Variants in PTPRD observed in about 807,000 individuals in gnomAD.
The protein encoded by PTPRD is protein tyrosine phosphatase receptor type D.
A neutral mutation model predicts 214.5 loss-of-function variants in PTPRD; 34 were observed. The observed-to-expected ratio is 0.16, with a 90% CI of 0.12 to 0.21. PTPRD has a LOEUF of 0.21. Ranked by LOEUF, PTPRD falls within the 10% of genes least tolerant of loss-of-function variation. The pLI, the probability that PTPRD is intolerant of heterozygous loss-of-function variation, is 1.00. For missense variants in PTPRD, 2,545 were observed against 2,398.7 expected (o/e 1.06, Z -1.27); for synonymous variants, 1,128 against 845.7 (o/e 1.33, Z -5.79).
chr9:8,552,151 G>A (rs1019747905), intron 14 of PTPRD, among the ~76,000 whole-genome samples: 1 of 152,026 alleles, frequency 6.6e-6, no homozygotes, highest in African/African-American at 2.4e-5. Flanking sequence ...GTTTCTAACA[G>A]AAGACAGAAC....
chr9:10,345,142 A>ATATT (rs2097047129), intron 2 of PTPRD, among the ~76,000 whole-genome samples: 1 of 152,166 alleles, frequency 6.6e-6, no homozygotes, highest in African/African-American at 2.4e-5. Flanking sequence ...CAAGTGGTCA[A>ATATT]TATTTACTGG....
At chr9:9,468,370 T>C (rs987138826) in intron 8 of PTPRD, among the ~76,000 whole-genome samples, 1 of 152,134 alleles carries the variant, frequency 6.6e-6, no homozygotes, top group Non-Finnish European at 1.5e-5. Flanking sequence ...TACTAAGATA[T>C]CTATGTAGTT....
intron 11 of PTPRD, among the ~76,000 whole-genome samples, chr9:8,790,577 T>C (rs1566083445): frequency 1.3e-5 from 2 of 152,028 alleles, no homozygotes; most frequent in East Asian, 3.9e-4. Flanking sequence ...GCATCTGTTT[T>C]ATTCACAGAT....
At chr9:10,316,107 A>G (rs1342134323) in intron 3 of PTPRD, among the ~76,000 whole-genome samples, 2 of 135,482 alleles carry the variant, frequency 1.5e-5, no homozygotes, top group Non-Finnish European at 3.1e-5. Context: ...ATTTATGTGT[A>G]TGTGTCTATA....
In PTPRD at chr9:10,268,967, G is replaced by A. The variant is rs184292860; in HGVS notation, c.-545+71996C>T. Among the ~76,000 whole-genome samples, 14 of 152,064 alleles carry A rather than the reference G, an allele frequency of 9.2e-5. No individual in the cohort carries two copies. In the East Asian group the frequency reaches 2.5e-3, roughly 27 times the overall value. On this transcript the variant is annotated intron_variant, in intron 3 of 45. Transcript: ENST00000381196. ...TATCCCTGGCCTCTAGCCATCGAATGTCAGTAGCGCCCTCCAGTGTCACAA... is the reference window on the plus strand; with the variant it reads ...TATCCCTGGCCTCTAGCCATCGAATATCAGTAGCGCCCTCCAGTGTCACAA...
At chr9:10,383,618 C>T (rs1452429812) in intron 2 of PTPRD, among the ~76,000 whole-genome samples, 8 of 151,698 alleles carry the variant, frequency 5.3e-5, no homozygotes, top group Non-Finnish European at 1.0e-4. Context: ...CTTATCAGAT[C>T]ATCAAAGCAC....
At chr9:10,267,420 TATTAGAGTCG>T (rs1199629334) in intron 3 of PTPRD, among the ~76,000 whole-genome samples, 1 of 152,128 alleles carries the variant, frequency 6.6e-6, no homozygotes, top group Non-Finnish European at 1.5e-5. Flanking sequence ...GTTAATGTAT[TATTAGAGTCG>T]TGGTTTATGA....
At chr9:10,265,439 T>A (rs1018209801) in intron 3 of PTPRD, among the ~76,000 whole-genome samples, 1 of 152,188 alleles carries the variant, frequency 6.6e-6, no homozygotes, top group Non-Finnish European at 1.5e-5. Flanking sequence ...AAAGCCATTA[T>A]AGAATAACTG....
intron 34 of PTPRD, among the ~76,000 whole-genome samples, chr9:8,440,755 G>C (rs1204907686): frequency 6.6e-6 from 1 of 152,144 alleles, no homozygotes; most frequent in Non-Finnish European, 1.5e-5. Flanking sequence ...AAACAAGATG[G>C]CTCCCTTTAA....
intron 5 of PTPRD, among the ~76,000 whole-genome samples, chr9:9,925,256 T>C (rs1460378843): frequency 1.3e-5 from 2 of 152,094 alleles, no homozygotes; most frequent in Admixed American, 6.6e-5. Context: ...AAAGTTCTTA[T>C]TACAGGGTAG....
chr9:8,490,199 G>A (rs1172878744), intron 27 of PTPRD, among the ~76,000 whole-genome samples: 1 of 152,178 alleles, frequency 6.6e-6, no homozygotes, highest in Admixed American at 6.5e-5. Context: ...ATTGGAAGAA[G>A]CAGAGAAGGT....
intron 3 of PTPRD, among the ~76,000 whole-genome samples, chr9:10,073,222 G>C (rs1223779835): frequency 6.6e-6 from 1 of 151,940 alleles, no homozygotes; most frequent in African/African-American, 2.4e-5. Context: ...TATAGTTGTG[G>C]GATACCAGGA....
intron 5 of PTPRD, among the ~76,000 whole-genome samples, chr9:9,866,700 G>C (rs1469199145): frequency 6.6e-6 from 1 of 152,062 alleles, no homozygotes; most frequent in African/African-American, 2.4e-5. Flanking sequence ...ACATTTCTTA[G>C]ATAATTGTGA....
At chr9:8,644,459 C>A (rs2096644635) in intron 12 of PTPRD, among the ~76,000 whole-genome samples, 1 of 152,194 alleles carries the variant, frequency 6.6e-6, no homozygotes, top group Admixed American at 6.5e-5. Flanking sequence ...ACTGGCAAGG[C>A]TAAAAGAGCT....
intron 3 of PTPRD, among the ~76,000 whole-genome samples, chr9:10,214,386 C>T (rs1056752958): frequency 6.6e-6 from 1 of 151,352 alleles, no homozygotes; most frequent in Admixed American, 6.6e-5. Flanking sequence ...AAGTGATTCT[C>T]CTGCCTCTGC....
rs531589826 is a variant in PTPRD at position 8,406,382 on chromosome 9, A to G, written c.4087-1722T>C. Among the ~76,000 whole-genome samples, 51 of 152,284 alleles carry G rather than the reference A, an allele frequency of 3.3e-4. 1 individual carries two copies. The South Asian group carries it at 0.011, about 32-fold the overall frequency. On this transcript the variant is annotated intron_variant, in intron 35 of 45. Transcript: ENST00000381196. ...TCTCATTGCTACTTCCTACATCCGG[A>G]ACATTGGTATCTGTTGTCTGATTGA...
chr9:9,522,540 C>A (rs1389647018), intron 8 of PTPRD, among the ~76,000 whole-genome samples: 1 of 152,052 alleles, frequency 6.6e-6, no homozygotes, highest in Non-Finnish European at 1.5e-5. Context: ...ATAATAGATT[C>A]TGCAGAGTAG....
intron 3 of PTPRD, among the ~76,000 whole-genome samples, chr9:10,200,812 A>T (rs1402298187): frequency 6.6e-6 from 1 of 152,130 alleles, no homozygotes; most frequent in Non-Finnish European, 1.5e-5. Context: ...ATAAACATAA[A>T]TTGATGTCAA....
At chr9:8,493,079 T>C in intron 26 of PTPRD, 100 bp from the exon 27 acceptor site, 2 of 948,812 alleles carry the variant, frequency 2.1e-6, no homozygotes, top group Non-Finnish European at 1.7e-6. Context: ...TGCTCGCACA[T>C]CCCTTGCAGC....
Sources: gnomAD v4.1 joint callset for allele counts (sites outside exome capture counted in the v4.1 genomes callset) on GRCh38, gnomAD v4.1.1 for gene constraint, MANE v1.5 for transcripts, NCBI Gene and HGNC (gene_info 2026-07-23, HGNC 2026-07-21) for gene names.